Variants in WDR73 observed in about 807,000 individuals in gnomAD.
WDR73 encodes the protein WD repeat domain 73.
A neutral mutation model predicts 38.2 loss-of-function variants in WDR73; 30 were observed. The ratio of observed to expected loss-of-function variants is 0.79; its 90% confidence interval spans 0.59 to 1.06. The LOEUF is 1.06. WDR73 is among the 50% of genes least tolerant of loss of function. WDR73 has a pLI of 0.00. For missense variants in WDR73, 487 were observed against 467.0 expected (o/e 1.04, Z -0.40); for synonymous variants, 197 against 176.0 (o/e 1.12, Z -0.94).
chr15:84,645,165 T>C (rs762059144), intron 7 of WDR73: 25 of 1,216,644 alleles, frequency 2.1e-5, no homozygotes, highest in Non-Finnish European at 2.6e-5. Context: ...TTAGCCACTG[T>C]CCCCTTTTCT....
chr15:84,653,474 A>T (rs1896687074), intron 2 of WDR73, 158 bp downstream of exon 2: 1 of 589,548 alleles, frequency 1.7e-6, no homozygotes. Context: ...CCGGTCAGAG[A>T]TCTTAATAAG....
At chr15:84,649,620 C>T (rs1024768856) in intron 3 of WDR73, among the ~76,000 whole-genome samples, 1 of 152,074 alleles carries the variant, frequency 6.6e-6, no homozygotes, top group African/African-American at 2.4e-5. Context: ...CAGGTGTGCA[C>T]CACCACACCC....
chr15:84,644,811 T>C (rs1896392456), intron 7 of WDR73: 1 of 151,988 alleles, frequency 6.6e-6, no homozygotes, highest in African/African-American at 2.4e-5. Context: ...TCTCCTGACC[T>C]TGTGATCCAC....
At chr15:84,651,381 C>T (rs1272314722) in intron 3 of WDR73, among the ~76,000 whole-genome samples, 3 of 152,020 alleles carry the variant, frequency 2.0e-5, no homozygotes, top group Admixed American at 6.6e-5. Flanking sequence ...AGCCAGGGAT[C>T]GCGCCACTGC....
Position 84,654,225 on chromosome 15 carries a change from A to G in WDR73, c.41+9T>C. ...CCCAGCTCCCATGTCCCAGCCCCGT[A>G]CGATTTACAAGCGCAAGGATTCCAC... On this transcript the variant is annotated intron_variant, in intron 1 of 7. Coordinates refer to ENST00000434634, the MANE Select transcript of WDR73 (RefSeq NM_032856.5). 1 of 1,613,932 alleles carries G rather than the reference A, an allele frequency of 6.2e-7. No individual in the cohort carries two copies. Among genetic ancestry groups the G allele is most frequent in the Non-Finnish European group, 8.5e-7 (1 of 1,179,810 alleles).
Position 84,641,060 on chromosome 15 carries a change from G to GTCCAGTGCAGGTGGGAAATGAATGGGA in WDR73, c.*2409_*2410insTCCCATTCATTTCCCACCTGCACTGGA. On this transcript the variant is annotated 3_prime_UTR_variant, in exon 8 of 8. Transcript: ENST00000434634. ...TTCTGGGAACTAGACCTTCTTGAGA[G>GTCCAGTGCAGGTGGGAAATGAATGGGA]GCACTATCATTCTCATTTCACCTGT... is the stretch of plus-strand genomic sequence containing the variant. 1 of 150,834 alleles carries GTCCAGTGCAGGTGGGAAATGAATGGGA rather than the reference G, an allele frequency of 6.6e-6. No individual in the cohort carries two copies. The highest frequency in any genetic ancestry group is 2.5e-5 in the African/African-American group (1 of 40,134). 9.3% of individuals were successfully genotyped at this position (150,834 alleles called of 1,614,324 possible).
rs1567020202 is a variant in WDR73 at position 84,643,238 on chromosome 15, A to G, written c.*232T>C. ...CACACTCCCAGATCTAACAATAGCT[A>G]CCAAGTAATTATGCCATGCGTTTCT... On this transcript the variant is annotated 3_prime_UTR_variant, in exon 8 of 8. Transcript: ENST00000434634. 1.8e-6 allele frequency: 1 copy of G among 558,828 alleles called. No homozygotes were observed. Among genetic ancestry groups the G allele is most frequent in the Non-Finnish European group, 3.2e-6 (1 of 315,906 alleles). 34.6% of individuals were successfully genotyped at this position (558,828 alleles called of 1,614,324 possible). A position where few individuals can be genotyped will look rare whatever the true frequency, so the allele number is the denominator to read the frequency against.
rs74199620 is a variant in WDR73 at position 84,642,767 on chromosome 15, A to AT, written c.*702dup. On this transcript the variant is annotated 3_prime_UTR_variant, in exon 8 of 8. Coordinates refer to ENST00000434634, the MANE Select transcript of WDR73 (RefSeq NM_032856.5). ...GGCATGAGCCACCATGCCCAGCCAA[A>AT]TTTTTTTTTTTTTTTAAGGGAAGGG... The AT allele has an allele frequency of 2.1e-3, 297 of 140,222 alleles. 3 individuals carry two copies. The highest frequency in any genetic ancestry group is 4.0e-3 in the East Asian group (19 of 4,790). 8.7% of individuals were successfully genotyped at this position (140,222 alleles called of 1,614,324 possible).
intron 3 of WDR73, among the ~76,000 whole-genome samples, chr15:84,652,199 C>T (rs35516100): frequency 0.2 from 29,784 of 152,212 alleles, 3,696 homozygotes; most frequent in Middle Eastern, 0.36. Context: ...TATTGGAACT[C>T]TAGACAGCTA....
chr15:84,645,192 T>C, intron 7 of WDR73: 1 of 1,298,210 alleles, frequency 7.7e-7, no homozygotes, highest in Non-Finnish European at 9.9e-7. Flanking sequence ...CCCAGCCCGA[T>C]GTCTGTCCCA....
In WDR73 at chr15:84,648,582, A is replaced by T; in HGVS notation, c.242T>A (p.Phe81Tyr). The part of the protein sequence containing the change: ...ERDFKVRHGG[F>Y]SDRSIFDLKH... ...TAGATCAAAGATAGACCTGTCTGAA[A>T]ATCCTCCATGGCGCACTTTGAAATC... is the stretch of plus-strand genomic sequence containing the variant. Residue 81 changes from phenylalanine (F) to tyrosine (Y), a missense_variant, in exon 4 of 8, where the codon TTT becomes TAT. Physicochemically the swap from Phe to Tyr is conservative, Grantham distance 22. Coordinates refer to ENST00000434634, the MANE Select transcript of WDR73 (RefSeq NM_032856.5). 1 of 1,614,000 alleles carries T rather than the reference A, an allele frequency of 6.2e-7. No individual in the cohort carries two copies. The highest frequency in any genetic ancestry group is 1.1e-5 in the South Asian group (1 of 91,086).
rs1256100222 is a variant in WDR73 at position 84,648,601 on chromosome 15, T to C, written c.223A>G (p.Lys75Glu). ...TCTGAAAATCCTCCATGGCGCACTT[T>C]GAAATCTCTTTCTGGGAATAAGCCC... Reference protein sequence around the residue: ...NKGLFPERDFKVRHGGFSDRS... With the variant: ...NKGLFPERDFEVRHGGFSDRS... Residue 75 changes from lysine (K) to glutamate (E), a missense_variant, in exon 4 of 8, where the codon AAA becomes GAA. Physicochemically the swap from Lys to Glu is moderately conservative, Grantham distance 56. Coordinates refer to ENST00000434634, the MANE Select transcript of WDR73 (RefSeq NM_032856.5). The C allele has an allele frequency of 1.2e-6, 2 of 1,613,940 alleles. No individual in the cohort carries two copies. Among genetic ancestry groups the C allele is most frequent in the South Asian group, 1.1e-5 (1 of 91,084 alleles).
intron 5 of WDR73, chr15:84,646,889 GT>G (rs755242210): frequency 6.5e-6 from 1 of 153,538 alleles, no homozygotes; most frequent in African/African-American, 2.4e-5. Context: ...GTCAAGTTTT[GT>G]TTTGGTTCTT....
In WDR73 at chr15:84,643,738, A is replaced by G. The variant is rs1896349181; in HGVS notation, c.884-15T>C. On this transcript the variant is annotated splice_polypyrimidine_tract_variant and intron_variant, in intron 7 of 7. Transcript: ENST00000434634. ...ACCATCAAAACCTGAGAATACAGAA[A>G]AGAGAGGCTTGACAATGAGTCCCTA... 1 of 1,603,036 alleles carries G rather than the reference A, an allele frequency of 6.2e-7. No individual in the cohort carries two copies. The highest frequency in any genetic ancestry group is 8.5e-7 in the Non-Finnish European group (1 of 1,175,514).
chr15:84,643,483 C>T lies in WDR73; in HGVS notation c.1124G>A (p.Cys375Tyr), dbSNP rs1896331645. ...SLHVWDWVDLCAPR is the reference protein window; with the variant it reads ...SLHVWDWVDLYAPR The stretch of plus-strand genomic sequence containing the variant: ...AAGATGCTGGTGTCAGCGGGGGGCA[C>T]AAAGGTCCACCCAGTCCCACACATG... Residue 375 changes from cysteine (C) to tyrosine (Y), a missense_variant, in exon 8 of 8, where the codon TGT becomes TAT. By Grantham distance (194) the Cys-to-Tyr change is radical. Coordinates refer to ENST00000434634, the MANE Select transcript of WDR73 (RefSeq NM_032856.5). 1 of 1,557,510 alleles carries T rather than the reference C, an allele frequency of 6.4e-7. No individual in the cohort carries two copies. The highest frequency in any genetic ancestry group is 1.9e-5 in the Admixed American group (1 of 51,378).
In WDR73 at chr15:84,643,354, C is replaced by T; in HGVS notation, c.*116G>A. The T allele has an allele frequency of 7.5e-7, 1 of 1,340,136 alleles. No homozygotes were observed. Among genetic ancestry groups the T allele is most frequent in the Non-Finnish European group, 1.0e-6 (1 of 995,610 alleles). The allele number at this position is 1,340,136 out of a possible 1,614,324, so 83.0% of individuals were successfully genotyped here. ...AGGCTAAGTGACGCTGGCAGACTTG[C>T]CCAAGGCCACACAGCTGGTAACAGG... is the stretch of plus-strand genomic sequence containing the variant. On this transcript the variant is annotated 3_prime_UTR_variant, in exon 8 of 8. Coordinates refer to ENST00000434634, the MANE Select transcript of WDR73 (RefSeq NM_032856.5).
intron 5 of WDR73, chr15:84,647,632 G>A (rs1896503814): frequency 4.2e-6 from 2 of 474,212 alleles, no homozygotes; most frequent in Non-Finnish European, 7.7e-6. Flanking sequence ...CAGTAGCAGG[G>A]ATTACAGGTG....
rs1186002934 is a variant in WDR73 at position 84,647,880 on chromosome 15, A to T, written c.352+10T>A. The T allele has an allele frequency of 6.8e-6, 11 of 1,613,872 alleles. No homozygotes were observed. The highest frequency in any genetic ancestry group is 5.3e-5 in the African/African-American group (4 of 75,012). The stretch of plus-strand genomic sequence containing the variant: ...AGAACCCCAAACCCCATCAAGTCAA[A>T]TTCACTCACCACTGTCCTCTGCAAC... On this transcript the variant is annotated intron_variant, in intron 5 of 7. Coordinates refer to ENST00000434634, the MANE Select transcript of WDR73 (RefSeq NM_032856.5).
In WDR73 at chr15:84,643,205, T is replaced by C. The variant is rs921230535; in HGVS notation, c.*265A>G. The C allele has an allele frequency of 8.2e-6, 4 of 487,128 alleles. No homozygotes were observed. In the Admixed American group the frequency reaches 1.4e-4, roughly 18 times the overall value. The allele number at this position is 487,128 out of a possible 1,614,324, so 30.2% of individuals were successfully genotyped here. On this transcript the variant is annotated 3_prime_UTR_variant, in exon 8 of 8. Transcript: ENST00000434634. The stretch of plus-strand genomic sequence containing the variant: ...TAGTGTGAAGACAGGGACAAAACGC[T>C]ACCATTTCACACTCCCAGATCTAAC...
Sources: gnomAD v4.1 joint callset for allele counts (sites outside exome capture counted in the v4.1 genomes callset) on GRCh38, gnomAD v4.1.1 for gene constraint, MANE v1.5 for transcripts, NCBI Gene and HGNC (gene_info 2026-07-23, HGNC 2026-07-21) for gene names.